KIF6: variants seen among roughly 807,000 people sequenced by gnomAD.
KIF6 encodes the protein kinesin family member 6.
KIF6 carries 106 observed loss-of-function variants against 112.7 expected under a neutral mutation model. The ratio of observed to expected loss-of-function variants is 0.94; its 90% CI spans 0.80 to 1.11. The LOEUF is 1.11. Among genes scored for constraint, KIF6 ranks in the 50% least tolerant of loss-of-function variants. The pLI is 0.00. For missense variants in KIF6, 929 were observed against 964.0 expected, an observed-to-expected ratio of 0.96 and a Z score of 0.48; for synonymous variants, 339 against 339.9, an observed-to-expected ratio of 1.00 and a Z score of 0.03.
chr6:39,367,997 GGCTTCAA>G (rs1294352266), intron 16 of KIF6, among the ~76,000 whole-genome samples: 1 of 152,128 alleles, frequency 6.6e-6, no homozygotes, highest in Non-Finnish European at 1.5e-5. Context: ...CACTGCTTAT[GGCTTCAA>G]GCCCAGTTTC....
At chr6:39,511,853 C>T (rs1332460636) in intron 13 of KIF6, among the ~76,000 whole-genome samples, 1 of 152,112 alleles carries the variant, frequency 6.6e-6, no homozygotes, top group Non-Finnish European at 1.5e-5. Flanking sequence ...GACAGAAAAC[C>T]AAACACTGCA....
chr6:39,581,393 G>A (rs1343385745), intron 9 of KIF6, among the ~76,000 whole-genome samples: 1 of 151,662 alleles, frequency 6.6e-6, no homozygotes, highest in East Asian at 1.9e-4. Context: ...CTGACCTCAG[G>A]TGATCCACCC....
At chr6:39,714,986 AC>A in intron 2 of KIF6, 1 of 403,714 alleles carries the variant, frequency 2.5e-6, no homozygotes, top group South Asian at 4.5e-5. Context: ...CAAGATCTGC[AC>A]AATAAATCCC....
At chr6:39,637,251 A>G (rs746045941) in intron 4 of KIF6, among the ~76,000 whole-genome samples, 6 of 152,008 alleles carry the variant, frequency 3.9e-5, no homozygotes, top group Non-Finnish European at 8.8e-5. Context: ...GGTGATAGGG[A>G]TAATGTCTTT....
chr6:39,358,455 G>A (rs1230380494), intron 18 of KIF6, among the ~76,000 whole-genome samples: 3 of 152,196 alleles, frequency 2.0e-5, no homozygotes, highest in Non-Finnish European at 4.4e-5. Context: ...ACATCCTGTG[G>A]GGCAGGGGAC....
chr6:39,443,693 C>G (rs932047577), intron 13 of KIF6, among the ~76,000 whole-genome samples: 1 of 152,132 alleles, frequency 6.6e-6, no homozygotes, highest in African/African-American at 2.4e-5. Flanking sequence ...ATCTGCCCAC[C>G]GTGACCTCCC....
intron 13 of KIF6, among the ~76,000 whole-genome samples, chr6:39,450,189 T>C (rs1772597725): frequency 1.3e-5 from 2 of 152,232 alleles, no homozygotes; most frequent in Admixed American, 1.3e-4. Flanking sequence ...GAGACATCTA[T>C]CATCATTTCA....
At chr6:39,537,720 A>G (rs1778526942) in intron 13 of KIF6, among the ~76,000 whole-genome samples, 1 of 152,222 alleles carries the variant, frequency 6.6e-6, no homozygotes, top group Non-Finnish European at 1.5e-5. Flanking sequence ...AAACTACTTT[A>G]AAGTTCATAC....
chr6:39,395,201 G>A (rs1475315824), intron 15 of KIF6, among the ~76,000 whole-genome samples: 3 of 152,192 alleles, frequency 2.0e-5, no homozygotes, highest in African/African-American at 7.2e-5. Flanking sequence ...AGATTAGCAC[G>A]TTCTGCCTGA....
intron 6 of KIF6, among the ~76,000 whole-genome samples, chr6:39,604,592 G>A (rs1782780445): frequency 6.6e-6 from 1 of 152,086 alleles, no homozygotes; most frequent in Non-Finnish European, 1.5e-5. Context: ...ATTTTCCCCA[G>A]TTGCAGGATT....
chr6:39,512,547 C>T (rs1776842543), intron 13 of KIF6, among the ~76,000 whole-genome samples: 1 of 152,170 alleles, frequency 6.6e-6, no homozygotes, highest in Non-Finnish European at 1.5e-5. Flanking sequence ...TCTTAAATTC[C>T]CAGCAGTGAG....
intron 16 of KIF6, among the ~76,000 whole-genome samples, chr6:39,379,713 A>G (rs1400007058): frequency 6.6e-6 from 1 of 152,200 alleles, no homozygotes; most frequent in Non-Finnish European, 1.5e-5. Flanking sequence ...TTTTATGCAC[A>G]TGTCAACTCA....
chr6:39,544,527 A>G, intron 12 of KIF6, 28 bp downstream of exon 12: 1 of 1,602,822 alleles, frequency 6.2e-7, no homozygotes, highest in Non-Finnish European at 8.5e-7. Flanking sequence ...GGATAGAGGA[A>G]GTTTCTTCAT....
At chr6:39,358,713 C>T (rs1764904864) in intron 18 of KIF6, among the ~76,000 whole-genome samples, 1 of 152,208 alleles carries the variant, frequency 6.6e-6, no homozygotes, top group Non-Finnish European at 1.5e-5. Flanking sequence ...TGGATGGGAG[C>T]CAATCACAGC....
At position 39,596,115 on chromosome 6, in the gene KIF6, A is replaced by C. The variant is rs1016309548; in HGVS notation, c.785T>G (p.Val262Gly). The C allele has an allele frequency of 6.2e-7, 1 of 1,613,810 alleles. No individual in the cohort carries two copies. The highest frequency in any genetic ancestry group is 1.3e-5 in the African/African-American group (1 of 74,946). ...GGCCTCTGTTAGAAGATGGCCCCCTACTCCAGTCTTTGCAACTCGCTCTGA... is the reference window on the plus strand; with the variant it reads ...GGCCTCTGTTAGAAGATGGCCCCCTCCTCCAGTCTTTGCAACTCGCTCTGA... ...AGSERVAKTG[V>G]GGHLLTEAKY... The change falls in exon 7 of 23, where the codon GTA becomes GGA. Residue 262 changes from valine to glycine, a missense_variant. By Grantham distance (109) the Val-to-Gly change is moderately radical. Around this residue, in one of 2 missense-constraint regions of KIF6, gnomAD observed 688 missense variants for 662.7 expected, o/e 1.04. Coordinates refer to ENST00000287152, the MANE Select transcript of KIF6 (RefSeq NM_145027.6).
chr6:39,715,505 A>T (rs1046511560), intron 2 of KIF6, among the ~76,000 whole-genome samples: 5 of 138,290 alleles, frequency 3.6e-5, no homozygotes, highest in South Asian at 2.3e-4. Flanking sequence ...CACAGAATCT[A>T]TTTTTTTTTT....
At position 39,419,967 on chromosome 6, in the gene KIF6, A is replaced by G. The variant is rs183642030; in HGVS notation, c.1791T>C (p.Asn597=). The change falls in exon 15 of 23, where the codon AAT becomes AAC. Residue 597 remains asparagine (N), a synonymous_variant. Coordinates refer to ENST00000287152, the MANE Select transcript of KIF6 (RefSeq NM_145027.6). ...GCTTACCAATTTTACTTCTTGCTTC[A>G]TTTATACTTTCTCCCAGGGCCTTGG... is the stretch of plus-strand genomic sequence containing the variant. ...SEAKALGESI[N]EARSKIGHLK... is the part of the protein sequence containing the mutation. The G allele has an allele frequency of 4.3e-6, 7 of 1,613,602 alleles. No homozygotes were observed. Among genetic ancestry groups the G allele is most frequent in the Non-Finnish European group, 5.9e-6 (7 of 1,179,482 alleles).
intron 15 of KIF6, among the ~76,000 whole-genome samples, chr6:39,389,564 T>G (rs560372389): frequency 6.6e-6 from 1 of 152,292 alleles, no homozygotes; most frequent in East Asian, 1.9e-4. Context: ...TGCTCTTTCT[T>G]TTAAGTGCTG....
intron 13 of KIF6, among the ~76,000 whole-genome samples, chr6:39,432,929 C>T (rs746161213): frequency 5.3e-5 from 8 of 152,038 alleles, no homozygotes; most frequent in South Asian, 2.1e-4. Flanking sequence ...TGCTCCCCCC[C>T]GCAGGGGAGC....
Sources: gnomAD v4.1 joint callset for allele counts (sites outside exome capture counted in the v4.1 genomes callset) on GRCh38, gnomAD v4.1.1 for gene constraint, gnomAD v4.1.1 regional missense constraint, MANE v1.5 for transcripts, NCBI Gene and HGNC (gene_info 2026-07-23, HGNC 2026-07-21) for gene names.